Variants in EXT1 observed in about 807,000 individuals in gnomAD.
EXT1 encodes exostosin-1.
EXT1 carries 20 observed loss-of-function variants against 82.5 expected under a neutral mutation model. That is an observed-to-expected ratio of 0.24 (90% CI 0.17 to 0.35). The LOEUF (loss-of-function observed/expected upper bound fraction) is 0.35. Ranked by LOEUF, EXT1 falls within the 10% of genes least tolerant of loss-of-function variation. The pLI, the probability that EXT1 is intolerant of heterozygous loss-of-function variation, is 1.00. For synonymous variants in EXT1, 348 were observed against 350.8 expected, an observed-to-expected ratio of 0.99 and a Z score of 0.09; for missense variants, 757 against 936.5, an observed-to-expected ratio of 0.81 and a Z score of 2.50.
At chr8:117,807,866 T>A (rs557757036) in intron 8 of EXT1, among the ~76,000 whole-genome samples, 9 of 147,918 alleles carry the variant, frequency 6.1e-5, no homozygotes, top group African/African-American at 1.5e-4. Context: ...GAAATAACTT[T>A]AAAAAAAAAA....
chr8:117,868,080 G>A (rs1812805497), intron 1 of EXT1, among the ~76,000 whole-genome samples: 1 of 152,154 alleles, frequency 6.6e-6, no homozygotes, highest in Non-Finnish European at 1.5e-5. Flanking sequence ...CTTGGCTCCA[G>A]GGATCACCAC....
intron 1 of EXT1, among the ~76,000 whole-genome samples, chr8:118,089,911 A>C (rs893893977): frequency 3.3e-5 from 5 of 152,344 alleles, no homozygotes; most frequent in East Asian, 3.9e-4. Context: ...ACTGAAAAAA[A>C]GAGTAGCTAA....
chr8:117,954,852 T>C (rs533710056), intron 1 of EXT1, among the ~76,000 whole-genome samples: 2 of 152,188 alleles, frequency 1.3e-5, no homozygotes, highest in Non-Finnish European at 1.5e-5. Flanking sequence ...TATCTAATGA[T>C]TGAATTCAAT....
At chr8:118,071,621 C>A (rs576367460) in intron 1 of EXT1, among the ~76,000 whole-genome samples, 2 of 152,026 alleles carry the variant, frequency 1.3e-5, no homozygotes, top group African/African-American at 4.8e-5. Context: ...GAAGATGATA[C>A]CTCTTTAGCT....
chr8:118,079,655 GCCCCCA>G (rs1194558990), intron 1 of EXT1, among the ~76,000 whole-genome samples: 1 of 141,836 alleles, frequency 7.1e-6, no homozygotes, highest in East Asian at 2.1e-4. Flanking sequence ...TTCTAACACC[GCCCCCA>G]CCCCCACCCC....
chr8:117,862,524 C>A (rs1812702790), intron 1 of EXT1, among the ~76,000 whole-genome samples: 1 of 145,784 alleles, frequency 6.9e-6, no homozygotes, highest in Non-Finnish European at 1.5e-5. Flanking sequence ...TATAAAAGCA[C>A]CTCCTTCAGT....
intron 1 of EXT1, among the ~76,000 whole-genome samples, chr8:118,028,645 G>A (rs1217548048): frequency 6.6e-6 from 1 of 151,922 alleles, no homozygotes; most frequent in Non-Finnish European, 1.5e-5. Context: ...AAAAAAGTAA[G>A]CCAGCCGGGC....
At chr8:117,926,644 G>C (rs988109995) in intron 1 of EXT1, among the ~76,000 whole-genome samples, 4 of 152,210 alleles carry the variant, frequency 2.6e-5, no homozygotes, top group Non-Finnish European at 5.9e-5. Context: ...ACTGGAAGGA[G>C]AGAGGGGTCA....
chr8:117,884,591 T>C (rs1477504808), intron 1 of EXT1, among the ~76,000 whole-genome samples: 1 of 152,226 alleles, frequency 6.6e-6, no homozygotes, highest in South Asian at 2.1e-4. Flanking sequence ...GTATCATTAG[T>C]GTGCAACAGT....
chr8:118,044,105 A>G (rs1478456130), intron 1 of EXT1, among the ~76,000 whole-genome samples: 1 of 152,246 alleles, frequency 6.6e-6, no homozygotes, highest in Non-Finnish European at 1.5e-5. Flanking sequence ...AGGGTTACGT[A>G]TAACGCCGAC....
intron 1 of EXT1, among the ~76,000 whole-genome samples, chr8:118,007,221 C>T (rs1208192043): frequency 6.6e-6 from 1 of 151,988 alleles, no homozygotes; most frequent in African/African-American, 2.4e-5. Flanking sequence ...GGCGTGAACC[C>T]AGGAGGCGGA....
chr8:117,946,613 G>C (rs749526230), intron 1 of EXT1, among the ~76,000 whole-genome samples: 1 of 151,440 alleles, frequency 6.6e-6, no homozygotes. Context: ...AGACAAAAGC[G>C]TCATCCACAA....
intron 8 of EXT1, among the ~76,000 whole-genome samples, chr8:117,807,701 G>A (rs559520723): frequency 8.5e-5 from 13 of 152,244 alleles, no homozygotes; most frequent in South Asian, 6.2e-4. Context: ...CCTCAAAGGT[G>A]CACGTGCCTT....
intron 1 of EXT1, among the ~76,000 whole-genome samples, chr8:118,031,932 A>G (rs1284081150): frequency 6.6e-6 from 1 of 152,026 alleles, no homozygotes; most frequent in Non-Finnish European, 1.5e-5. Flanking sequence ...AACTGGCAAC[A>G]CTGCAAATCA....
chr8:118,047,701 G>C (rs1015490239), intron 1 of EXT1, among the ~76,000 whole-genome samples: 1 of 152,076 alleles, frequency 6.6e-6, no homozygotes, highest in Admixed American at 6.5e-5. Flanking sequence ...ATAAAATACA[G>C]AGCATACTTA....
intron 7 of EXT1, among the ~76,000 whole-genome samples, chr8:117,818,066 A>G (rs1811854623): frequency 6.6e-6 from 1 of 152,212 alleles, no homozygotes; most frequent in Non-Finnish European, 1.5e-5. Flanking sequence ...CACCACCATC[A>G]GCTTTATCTT....
At chr8:117,877,095 T>A (rs906953822) in intron 1 of EXT1, among the ~76,000 whole-genome samples, 1 of 152,176 alleles carries the variant, frequency 6.6e-6, no homozygotes, top group African/African-American at 2.4e-5. Flanking sequence ...CTGAGTACCT[T>A]GAAGACTCTG....
rs545628595 is a variant in EXT1, at chr8:117,999,936, A to G, written c.962+110149T>C. On this transcript the variant is annotated intron_variant, in intron 1 of 10. Transcript: ENST00000378204. ...TTTTTCACTACTTATTTCTGAGTGT[A>G]TATATATATATATGTATGTGCGTGT... Among the ~76,000 whole-genome samples the G allele has an allele frequency of 1.6e-4, 24 of 148,458 alleles. No homozygotes were observed. In the East Asian group the frequency reaches 2.0e-3, roughly 12 times the overall value.
chr8:117,802,691 T>C (rs1218017763), intron 10 of EXT1, among the ~76,000 whole-genome samples: 1 of 152,200 alleles, frequency 6.6e-6, no homozygotes, highest in Non-Finnish European at 1.5e-5. Flanking sequence ...AAAATATAAA[T>C]AAAAATGTTT....
Sources: gnomAD v4.1 joint callset for allele counts (sites outside exome capture counted in the v4.1 genomes callset) on GRCh38, gnomAD v4.1.1 for gene constraint, MANE v1.5 for transcripts, NCBI Gene and HGNC (gene_info 2026-07-23, HGNC 2026-07-21) for gene names.